The following CACNA2D3 variants were observed in gnomAD, a reference collection of about 807,000 sequenced individuals.
The protein encoded by CACNA2D3 is voltage-dependent calcium channel subunit alpha-2/delta-3.
In CACNA2D3, 60 loss-of-function variants were observed where a neutral mutation model predicts 160.6. That is an observed-to-expected ratio of 0.37 (90% CI 0.30 to 0.46). The LOEUF is 0.46. Among genes scored for constraint, CACNA2D3 ranks in the 20% least tolerant of loss-of-function variants. The pLI, the probability that CACNA2D3 is intolerant of heterozygous loss-of-function variation, is 1.00. For missense variants in CACNA2D3, 1,205 were observed against 1,365.0 expected, an observed-to-expected ratio of 0.88 and a Z score of 1.85; for synonymous variants, 558 against 492.9, an observed-to-expected ratio of 1.13 and a Z score of -1.75.
chr3:54,561,823 G>A (rs1234094170), intron 5 of CACNA2D3, among the ~76,000 whole-genome samples: 1 of 152,138 alleles, frequency 6.6e-6, no homozygotes, highest in Non-Finnish European at 1.5e-5. Context: ...CCTGAGATTG[G>A]ATAATTTATA....
intron 35 of CACNA2D3, among the ~76,000 whole-genome samples, chr3:55,069,885 G>A (rs1212199870): frequency 3.9e-5 from 6 of 152,172 alleles, no homozygotes; most frequent in East Asian, 1.9e-4. Context: ...AAATGCTCCC[G>A]TATCTTACAG....
chr3:54,988,905 G>A (rs1702678308), intron 31 of CACNA2D3, among the ~76,000 whole-genome samples: 1 of 152,342 alleles, frequency 6.6e-6, no homozygotes, highest in South Asian at 2.1e-4. Flanking sequence ...GCCTGTAGCA[G>A]ATCGTCCCCT....
At position 54,235,952 on chromosome 3, in the gene CACNA2D3, T is replaced by A. The variant is rs117572129; in HGVS notation, c.205-84490T>A. On this transcript the variant is annotated intron_variant, in intron 2 of 37. Coordinates refer to ENST00000474759, the MANE Select transcript of CACNA2D3 (RefSeq NM_018398.3). ...CGTGACAGCCACCACCTCAGCCAGG[T>A]GATCAGAGTTAACATTTATAGTGAG... 3.1e-4 allele frequency among the ~76,000 whole-genome samples: 47 copies of A among 152,268 alleles called. 1 individual carries two copies. In the East Asian group the frequency reaches 8.5e-3, roughly 28 times the overall value.
At chr3:54,901,311 T>C (rs769363617) in intron 27 of CACNA2D3, 3 of 152,214 alleles carry the variant, frequency 2.0e-5, no homozygotes, top group Non-Finnish European at 2.9e-5. Context: ...GTTTCTAGTT[T>C]AGTCATCATG....
chr3:54,594,144 A>G (rs940202230), intron 9 of CACNA2D3, among the ~76,000 whole-genome samples: 11 of 152,204 alleles, frequency 7.2e-5, no homozygotes, highest in Middle Eastern at 6.3e-3. Flanking sequence ...CTAATTGTGA[A>G]TTCTTTGTAT....
chr3:54,591,609 A>G (rs1219091161), intron 9 of CACNA2D3, among the ~76,000 whole-genome samples: 1 of 149,258 alleles, frequency 6.7e-6, no homozygotes, highest in African/African-American at 2.5e-5. Flanking sequence ...AACATCCACA[A>G]AACACTGAAA....
At chr3:54,959,127 C>T (rs1460925181) in intron 27 of CACNA2D3, among the ~76,000 whole-genome samples, 3 of 152,164 alleles carry the variant, frequency 2.0e-5, no homozygotes, top group Non-Finnish European at 4.4e-5. Context: ...ATCTGGCAAT[C>T]CTATTAGAGT....
At chr3:54,197,268 C>T (rs745740959) in intron 2 of CACNA2D3, 1 of 152,128 alleles carries the variant, frequency 6.6e-6, no homozygotes, top group Non-Finnish European at 1.5e-5. Context: ...TGGAAAATGT[C>T]ATGGGACATG....
chr3:55,019,453 C>T (rs1703400513), intron 35 of CACNA2D3, among the ~76,000 whole-genome samples: 1 of 151,728 alleles, frequency 6.6e-6, no homozygotes, highest in South Asian at 2.1e-4. Context: ...AGTTATATGC[C>T]TTTTCTATGC....
At chr3:54,722,162 G>T (rs1022166825) in intron 11 of CACNA2D3, among the ~76,000 whole-genome samples, 17 of 152,038 alleles carry the variant, frequency 1.1e-4, no homozygotes, top group Non-Finnish European at 1.5e-5. Flanking sequence ...CATTAAGTTG[G>T]TTTTCAATCA....
chr3:54,516,101 G>A (rs1383022118), intron 5 of CACNA2D3, among the ~76,000 whole-genome samples: 1 of 152,190 alleles, frequency 6.6e-6, no homozygotes, highest in African/African-American at 2.4e-5. Context: ...TTCCTTGTAG[G>A]CCATCTTCAC....
intron 13 of CACNA2D3, among the ~76,000 whole-genome samples, chr3:54,775,872 G>A (rs942568917): frequency 2.6e-5 from 4 of 152,100 alleles, no homozygotes; most frequent in African/African-American, 9.7e-5. Context: ...GACCATCAAG[G>A]AGCAAGAAGC....
intron 4 of CACNA2D3, among the ~76,000 whole-genome samples, chr3:54,446,633 A>G (rs1037470955): frequency 6.6e-6 from 1 of 152,008 alleles, no homozygotes; most frequent in Non-Finnish European, 1.5e-5. Flanking sequence ...CTTTTTGATC[A>G]AATCATATTT....
At chr3:54,261,058 C>T (rs1203009779) in intron 2 of CACNA2D3, among the ~76,000 whole-genome samples, 1 of 152,162 alleles carries the variant, frequency 6.6e-6, no homozygotes, top group African/African-American at 2.4e-5. Context: ...TCTTTGACAC[C>T]TATGTCCTGG....
intron 2 of CACNA2D3, among the ~76,000 whole-genome samples, chr3:54,164,978 T>G (rs1700422778): frequency 6.6e-6 from 1 of 152,212 alleles, no homozygotes; most frequent in Non-Finnish European, 1.5e-5. Context: ...AAGCAGTTTC[T>G]GCCACCTCTG....
At chr3:54,370,719 G>A (rs13314582) in intron 3 of CACNA2D3, among the ~76,000 whole-genome samples, 4,392 of 151,034 alleles carry the variant, frequency 0.029, 79 homozygotes, top group South Asian at 0.056. Context: ...TAGTCACATA[G>A]CATATAATTT....
At chr3:54,214,381 C>T (rs934814309) in intron 2 of CACNA2D3, among the ~76,000 whole-genome samples, 1 of 152,116 alleles carries the variant, frequency 6.6e-6, no homozygotes, top group Non-Finnish European at 1.5e-5. Context: ...CAAAGAGGAG[C>T]TCTAAAATTG....
intron 5 of CACNA2D3, among the ~76,000 whole-genome samples, chr3:54,550,877 G>T (rs1207709492): frequency 2.6e-5 from 4 of 152,152 alleles, no homozygotes; most frequent in Non-Finnish European, 5.9e-5. Flanking sequence ...CGACCAACAC[G>T]TGTTTGCAAG....
Position 54,147,161 on chromosome 3 carries a change from C to T in CACNA2D3, c.204+23567C>T, listed in dbSNP as rs564702510. Among the ~76,000 whole-genome samples, 65 of 152,316 alleles carry T rather than the reference C, an allele frequency of 4.3e-4. 1 individual carries two copies. Among genetic ancestry groups the T allele is most frequent in the African/African-American group, 1.4e-3 (59 of 41,582 alleles). On this transcript the variant is annotated intron_variant, in intron 2 of 37. Transcript: ENST00000474759. ...GGTGAGGGGACAGCTGGGAATTCCC[C>T]CTGCACTGCCTGCTGGCTGTCACTT...
Sources: gnomAD v4.1 joint callset for allele counts (sites outside exome capture counted in the v4.1 genomes callset) on GRCh38, gnomAD v4.1.1 for gene constraint, MANE v1.5 for transcripts, NCBI Gene and HGNC (gene_info 2026-07-23, HGNC 2026-07-21) for gene names.